Variants in KCTD2 observed in about 807,000 individuals in gnomAD.
KCTD2 encodes the protein BTB/POZ domain-containing protein KCTD2.
Under a neutral mutation model 27.9 loss-of-function variants are expected in KCTD2, and 18 were observed. That is an observed-to-expected ratio of 0.64 (90% confidence interval 0.45 to 0.96). The LOEUF is 0.96. Among genes scored for constraint, KCTD2 ranks in the 40% least tolerant of loss-of-function variants. KCTD2 has a pLI of 0.00. For synonymous variants in KCTD2, 175 were observed against 148.4 expected (o/e 1.18, Z -1.30); for missense variants, 280 against 348.0 (o/e 0.80, Z 1.56).
chr17:75,052,888 C>A, intron 2 of KCTD2, 126 bp from the exon 3 acceptor site: 1 of 732,452 alleles, frequency 1.4e-6, no homozygotes, highest in Non-Finnish European at 2.4e-6. Flanking sequence ...AGTAAGACTC[C>A]GTCTCAAAAA....
Position 75,047,344 on chromosome 17 carries a change from C to A in KCTD2, c.94C>A (p.Pro32Thr). ...CGGGGGTGGCCCAGTCCGCGGGCCC[C>A]CCAGCCCACGCCCGGCTGGCCCCAC... ...GDGGGPVRGP[P>T]SPRPAGPTPR... Residue 32 changes from proline to threonine, a missense_variant, in exon 1 of 6, where the codon CCC becomes ACC. Transcript: ENST00000322444. 1 of 1,152,834 alleles carries A rather than the reference C, an allele frequency of 8.7e-7. No homozygotes were observed. The highest frequency in any genetic ancestry group is 4.2e-5 in the South Asian group (1 of 23,708). The allele number at this position is 1,152,834 out of a possible 1,614,324, so 71.4% of individuals were successfully genotyped here.
upstream of KCTD2, among the ~76,000 whole-genome samples, chr17:75,043,550 T>G (rs1217248003): frequency 2.7e-5 from 4 of 150,402 alleles, no homozygotes; most frequent in African/African-American, 7.4e-5. Context: ...GCGGCGGAGG[T>G]TGCAGTGAGC....
chr17:75,056,952 CTTTTTTTT>C (rs35875644), intron 3 of KCTD2, among the ~76,000 whole-genome samples: 2 of 107,994 alleles, frequency 1.9e-5, no homozygotes, highest in African/African-American at 3.6e-5. Flanking sequence ...TTTCTTTTTT[CTTTTTTTT>C]TTTTTTTTTT....
upstream of KCTD2, among the ~76,000 whole-genome samples, chr17:75,045,078 AAG>A (rs2073199723): frequency 6.6e-6 from 1 of 152,188 alleles, no homozygotes; most frequent in Admixed American, 6.5e-5. Flanking sequence ...CAGAGTACAA[AAG>A]AGAGAAATTT....
chr17:75,058,879 C>G, intron 3 of KCTD2, among the ~76,000 whole-genome samples: 1 of 151,828 alleles, frequency 6.6e-6, no homozygotes, highest in East Asian at 1.9e-4. Flanking sequence ...GGGTGGATCA[C>G]GAGGTCAGGA....
chr17:75,043,480 G>C (rs2073180940), upstream of KCTD2, among the ~76,000 whole-genome samples: 2 of 152,038 alleles, frequency 1.3e-5, no homozygotes, highest in African/African-American at 4.8e-5. Flanking sequence ...GGGCGTGATG[G>C]CATGCACCTG....
Position 75,063,011 on chromosome 17 carries a change from C to A in KCTD2, c.763-7C>A. ...GCCTCAGCCTCTCCCCCATCTCCAACTTTCAGATTCTTCAGGAGAGAGGAT... is the reference window on the plus strand; with the variant it reads ...GCCTCAGCCTCTCCCCCATCTCCAAATTTCAGATTCTTCAGGAGAGAGGAT... On this transcript the variant is annotated splice_region_variant and splice_polypyrimidine_tract_variant and intron_variant, in intron 5 of 5. Transcript: ENST00000322444. The A allele has an allele frequency of 6.2e-7, 1 of 1,614,066 alleles. No homozygotes were observed. The highest frequency in any genetic ancestry group is 8.5e-7 in the Non-Finnish European group (1 of 1,179,974).
chr17:75,046,651 G>A (rs548348812), upstream of KCTD2, among the ~76,000 whole-genome samples: 2 of 152,258 alleles, frequency 1.3e-5, no homozygotes, highest in Non-Finnish European at 2.9e-5. Context: ...CTGCCGCGCT[G>A]GGAGCGGACT....
chr17:75,060,009 C>T (rs1479241619), intron 4 of KCTD2, among the ~76,000 whole-genome samples: 6 of 152,118 alleles, frequency 3.9e-5, no homozygotes, highest in South Asian at 2.1e-4. Context: ...TGTAATCCAC[C>T]GTGAAGAGCT....
At position 75,053,171 on chromosome 17, in the gene KCTD2, T is replaced by C. The variant is rs1284598026; in HGVS notation, c.540+66T>C. 22 of 1,241,546 alleles carry C rather than the reference T, an allele frequency of 1.8e-5. No homozygotes were observed. In the Admixed American group the frequency reaches 3.3e-4, roughly 19 times the overall value. 76.9% of individuals were successfully genotyped at this position (1,241,546 alleles called of 1,614,324 possible). A position where few individuals can be genotyped will look rare whatever the true frequency, so the allele number is the denominator to read the frequency against. On this transcript the variant is annotated intron_variant, in intron 3 of 5. Transcript: ENST00000322444. ...GGCTTCTGTCGGTCGGTCTGTGATT[T>C]GAAAAGGATGCCTTTACCCTTAGAG...
intron 1 of KCTD2, chr17:75,033,060 G>T (rs1449815163): frequency 6.6e-6 from 1 of 152,260 alleles, no homozygotes; most frequent in Non-Finnish European, 1.5e-5. Flanking sequence ...GGTAACCGAC[G>T]CTGCCCTTGG....
At chr17:75,057,293 C>A (rs559532346) in intron 3 of KCTD2, among the ~76,000 whole-genome samples, 3 of 151,816 alleles carry the variant, frequency 2.0e-5, no homozygotes, top group Non-Finnish European at 4.4e-5. Context: ...GGTGATTGAT[C>A]CTGGTGCATT....
rs574227442 is a variant in KCTD2, at chr17:75,035,832, AAAACAAAC to A, written c.-259+495_-259+502del. Among the ~76,000 whole-genome samples the A allele has an allele frequency of 6.1e-4, 92 of 152,056 alleles. No individual in the cohort carries two copies. The South Asian group carries it at 7.1e-3, about 12-fold the overall frequency. On this transcript the variant is annotated intron_variant, in intron 3 of 7. Transcript: ENST00000581589. Reference sequence around the variant, plus strand: ...TGGGCAACAGAGCGAAAGCCGTCTCAAAACAAACAAACAAACAAACAAACAAAAAACTC... The same window carrying A: ...TGGGCAACAGAGCGAAAGCCGTCTCAAAACAAACAAACAAACAAAAAACTC...
In KCTD2 at chr17:75,060,461, G is replaced by T. The variant is rs774115424; in HGVS notation, c.636+856G>T. 3.1e-6 allele frequency: 5 copies of T among 1,611,092 alleles called. No individual in the cohort carries two copies. The East Asian group carries it at 1.1e-4, about 36-fold the overall frequency. On this transcript the variant is annotated intron_variant, in intron 4 of 5. Transcript: ENST00000322444. Reference sequence around the variant, plus strand: ...AAGTCCTCTAACATAAGCCTTCCAAGGTGATACTTTCAGAAACCAGGGTTG... The same window carrying T: ...AAGTCCTCTAACATAAGCCTTCCAATGTGATACTTTCAGAAACCAGGGTTG...
chr17:75,038,986 T>C, intron 3 of KCTD2: 1 of 1,614,196 alleles, frequency 6.2e-7, no homozygotes, highest in Non-Finnish European at 8.5e-7. Context: ...TCTTGTCTAA[T>C]TTGGTTTCTG....
At chr17:75,035,073 G>A (rs1442400786) in intron 2 of KCTD2, among the ~76,000 whole-genome samples, 2 of 152,108 alleles carry the variant, frequency 1.3e-5, no homozygotes, top group Non-Finnish European at 2.9e-5. Context: ...GCGTTTAATG[G>A]CCATCAAATT....
chr17:75,035,961 CCCACTACTCTGTG>C (rs2040111292), intron 3 of KCTD2: 2 of 424,278 alleles, frequency 4.7e-6, no homozygotes, highest in Admixed American at 4.9e-5. Context: ...CACCCACCAC[CCCACTACTCTGTG>C]CTTGGAGGAA....
intron 3 of KCTD2, among the ~76,000 whole-genome samples, chr17:75,055,786 C>T (rs1242136804): frequency 6.8e-6 from 1 of 147,852 alleles, no homozygotes; most frequent in Non-Finnish European, 1.5e-5. Context: ...GAGCCGAGAT[C>T]ACGCCATTGC....
At chr17:75,050,099 CT>C (rs1255312893) in intron 2 of KCTD2, among the ~76,000 whole-genome samples, 1 of 152,236 alleles carries the variant, frequency 6.6e-6, no homozygotes, top group African/African-American at 2.4e-5. Context: ...TTAAATGTCC[CT>C]TTTTAAACAA....
Sources: allele counts gnomAD v4.1 joint callset (sites outside exome capture counted in the v4.1 genomes callset), GRCh38; gene constraint gnomAD v4.1.1; transcripts MANE v1.5; gene names NCBI Gene and HGNC (gene_info 2026-07-23, HGNC 2026-07-21).